PTK2B: variants seen among roughly 807,000 people sequenced by gnomAD.
PTK2B encodes the protein protein-tyrosine kinase 2-beta.
PTK2B carries 71 observed loss-of-function variants against 142.9 expected under a neutral mutation model. The ratio of observed to expected loss-of-function variants is 0.50; its 90% CI spans 0.41 to 0.61. The LOEUF (loss-of-function observed/expected upper bound fraction) is 0.61, where lower values mean the gene tolerates loss of function less well. Ranked by LOEUF, PTK2B falls within the 20% of genes least tolerant of loss-of-function variation. The probability of loss-of-function intolerance (pLI) is 0.00; values close to 1 mark genes in which losing one functional copy is unlikely to be tolerated. For missense variants in PTK2B, 1,105 were observed against 1,320.4 expected, an observed-to-expected ratio of 0.84 and a Z score of 2.53; for synonymous variants, 519 against 503.4, an observed-to-expected ratio of 1.03 and a Z score of -0.42.
intron 1 of PTK2B, among the ~76,000 whole-genome samples, chr8:27,361,362 G>A (rs1191713144): frequency 6.6e-6 from 1 of 152,136 alleles, no homozygotes; most frequent in African/African-American, 2.4e-5. Context: ...GGGACCACAG[G>A]CATGCACCAC....
chr8:27,359,095 T>C (rs1269983785), intron 1 of PTK2B, among the ~76,000 whole-genome samples: 1 of 152,180 alleles, frequency 6.6e-6, no homozygotes, highest in Non-Finnish European at 1.5e-5. Flanking sequence ...ACCTTCTTTT[T>C]TTTCTATTTA....
upstream of PTK2B, chr8:27,310,921 G>A (rs1027514452): frequency 1.9e-6 from 3 of 1,612,584 alleles, no homozygotes; most frequent in Non-Finnish European, 2.5e-6. Context: ...TGAGCTGTCC[G>A]CGGTGCAGGC....
intron 25 of PTK2B, 27 bp from the exon 26 acceptor site, chr8:27,451,016 C>G (rs1212393864): frequency 1.7e-5 from 27 of 1,611,094 alleles, no homozygotes; most frequent in Non-Finnish European, 2.2e-5. Context: ...AATTCTTAGT[C>G]CTTCGCTCTT....
At chr8:27,407,341 G>T (rs2131592028) in intron 2 of PTK2B, among the ~76,000 whole-genome samples, 1 of 152,150 alleles carries the variant, frequency 6.6e-6, no homozygotes, top group African/African-American at 2.4e-5. Context: ...ATTTTTCTTT[G>T]CCCTGGGAAC....
intron 2 of PTK2B, among the ~76,000 whole-genome samples, chr8:27,414,602 C>G (rs112369557): frequency 0.28 from 7,480 of 26,556 alleles, 188 homozygotes; most frequent in Middle Eastern, 0.4. Context: ...CTCTCTCTCT[C>G]TCTCTGTGTG....
upstream of PTK2B, among the ~76,000 whole-genome samples, chr8:27,310,634 A>C (rs112141583): frequency 7.9e-5 from 12 of 152,316 alleles, no homozygotes; most frequent in East Asian, 1.7e-3. Flanking sequence ...GACCTTGAAG[A>C]AGCAGCCAGC....
At chr8:27,437,661 TC>T in intron 17 of PTK2B, 103 bp from the exon 18 acceptor site, 1 of 1,295,312 alleles carries the variant, frequency 7.7e-7, no homozygotes, top group Non-Finnish European at 1.1e-6. Flanking sequence ...TGGGTTTGTC[TC>T]CCACCGCCCC....
chr8:27,426,388 A>C (rs966594462), intron 5 of PTK2B, among the ~76,000 whole-genome samples: 4 of 152,230 alleles, frequency 2.6e-5, no homozygotes, highest in African/African-American at 9.6e-5. Context: ...GTCAGGCACT[A>C]GAGGGCACTC....
intron 1 of PTK2B, among the ~76,000 whole-genome samples, chr8:27,343,323 CTCAAA>C (rs1330109849): frequency 6.6e-6 from 1 of 152,212 alleles, no homozygotes; most frequent in Admixed American, 6.5e-5. Context: ...CCCTTCCCCT[CTCAAA>C]TCATTTCCAA....
intron 1 of PTK2B, among the ~76,000 whole-genome samples, chr8:27,397,088 T>G (rs1282989083): frequency 2.0e-5 from 3 of 152,218 alleles, no homozygotes; most frequent in African/African-American, 7.2e-5. Flanking sequence ...CGGGGCCACT[T>G]CTTCTCCAAT....
chr8:27,374,045 G>T (rs1243005918), intron 1 of PTK2B, among the ~76,000 whole-genome samples: 1 of 152,022 alleles, frequency 6.6e-6, no homozygotes, highest in African/African-American at 2.4e-5. Flanking sequence ...AAGCAGGCTT[G>T]CAGTGAGTAT....
intron 2 of PTK2B, among the ~76,000 whole-genome samples, chr8:27,399,755 T>A (rs1808263690): frequency 6.6e-6 from 1 of 152,200 alleles, no homozygotes; most frequent in South Asian, 2.1e-4. Flanking sequence ...CTGCTTCCAA[T>A]GTCTCCTGCA....
chr8:27,388,255 A>AG (rs1563243104), intron 1 of PTK2B, among the ~76,000 whole-genome samples: 1 of 152,186 alleles, frequency 6.6e-6, no homozygotes, highest in East Asian at 1.9e-4. Flanking sequence ...ACCCACTCAG[A>AG]GGGGGACATG....
intron 2 of PTK2B, among the ~76,000 whole-genome samples, chr8:27,418,234 G>A (rs2131791118): frequency 6.6e-6 from 1 of 152,270 alleles, no homozygotes; most frequent in South Asian, 2.1e-4. Flanking sequence ...GGGTCTTCTA[G>A]TTTCACAACT....
At chr8:27,428,956 G>C (rs540869377) in intron 5 of PTK2B, among the ~76,000 whole-genome samples, 6 of 152,138 alleles carry the variant, frequency 3.9e-5, no homozygotes, top group Non-Finnish European at 8.8e-5. Context: ...TTTCACTCTT[G>C]TCACCCATGC....
chr8:27,378,504 G>A (rs1797574604), intron 1 of PTK2B, among the ~76,000 whole-genome samples: 1 of 152,170 alleles, frequency 6.6e-6, no homozygotes, highest in Admixed American at 6.5e-5. Flanking sequence ...GAGAAAAGCT[G>A]AGGTCAGATA....
At chr8:27,385,932 T>C (rs1202107132) in intron 1 of PTK2B, among the ~76,000 whole-genome samples, 2 of 148,198 alleles carry the variant, frequency 1.3e-5, no homozygotes, top group African/African-American at 5.0e-5. Context: ...GAGGAGGAGA[T>C]AGAGATTGAT....
intron 1 of PTK2B, among the ~76,000 whole-genome samples, chr8:27,393,678 C>G (rs887479358): frequency 6.6e-6 from 1 of 152,108 alleles, no homozygotes; most frequent in Non-Finnish European, 1.5e-5. Context: ...TCTTAATAGA[C>G]TATTTTTAGA....
At chr8:27,329,333 G>A (rs985227168) in intron 1 of PTK2B, among the ~76,000 whole-genome samples, 13 of 152,102 alleles carry the variant, frequency 8.5e-5, no homozygotes, top group East Asian at 3.9e-4. Context: ...ATGTTTCATC[G>A]TGCAGAGGAC....
Sources: allele counts gnomAD v4.1 joint callset (sites outside exome capture counted in the v4.1 genomes callset), GRCh38; gene constraint gnomAD v4.1.1; transcripts MANE v1.5; gene names NCBI Gene and HGNC (gene_info 2026-07-23, HGNC 2026-07-21).